The following CTNNA3 variants were observed in gnomAD, a reference collection of about 807,000 sequenced individuals.
CTNNA3 encodes the protein catenin alpha 3, also known as catenin alpha-3.
A neutral mutation model predicts 95.7 loss-of-function variants in CTNNA3; 76 were observed. That is an observed-to-expected ratio of 0.79 (90% CI 0.66 to 0.96). CTNNA3 has a LOEUF of 0.96. Ranked by LOEUF, CTNNA3 falls within the 40% of genes least tolerant of loss-of-function variation. The pLI, the probability that CTNNA3 is intolerant of heterozygous loss-of-function variation, is 0.00. For missense variants in CTNNA3, 1,191 were observed against 1,089.8 expected, an observed-to-expected ratio of 1.09 and a Z score of -1.31; for synonymous variants, 431 against 374.4, an observed-to-expected ratio of 1.15 and a Z score of -1.74.
intron 5 of CTNNA3, among the ~76,000 whole-genome samples, chr10:67,348,595 G>A (rs921945591): frequency 3.7e-4 from 57 of 152,214 alleles, no homozygotes; most frequent in African/African-American, 1.3e-3. Context: ...TGATAAGAGA[G>A]AGAGCAAGAG....
At chr10:66,431,873 T>G (rs1352842119) in intron 11 of CTNNA3, among the ~76,000 whole-genome samples, 1 of 152,096 alleles carries the variant, frequency 6.6e-6, no homozygotes, top group Non-Finnish European at 1.5e-5. Flanking sequence ...GTTGTGCACA[T>G]GTACCCTAGA....
At chr10:65,963,356 C>G (rs993286766) in intron 17 of CTNNA3, among the ~76,000 whole-genome samples, 1 of 152,118 alleles carries the variant, frequency 6.6e-6, no homozygotes, top group Non-Finnish European at 1.5e-5. Flanking sequence ...CATGTCTTCC[C>G]TATCTCTGTT....
At chr10:67,065,229 C>T (rs567291644) in intron 7 of CTNNA3, among the ~76,000 whole-genome samples, 11 of 152,234 alleles carry the variant, frequency 7.2e-5, no homozygotes, top group Non-Finnish European at 1.5e-4. Flanking sequence ...TCAAATCCCA[C>T]GTTGACCATA....
Position 67,320,217 on chromosome 10 carries a change from A to C in CTNNA3, c.580-100347T>G, listed in dbSNP as rs58649947. Among the ~76,000 whole-genome samples the C allele has an allele frequency of 0.019, 2,868 of 152,264 alleles. 237 individuals carry two copies. In the East Asian group the frequency reaches 0.26, roughly 14 times the overall value. Reference sequence around the variant, plus strand: ...TTCTGAGCCAAGTTAATCTAGAGGGAGTCTCACGGCCTCCTTTAAAAATGA... The same window carrying C: ...TTCTGAGCCAAGTTAATCTAGAGGGCGTCTCACGGCCTCCTTTAAAAATGA... On this transcript the variant is annotated intron_variant, in intron 5 of 17. Coordinates refer to ENST00000433211, the MANE Select transcript of CTNNA3 (RefSeq NM_013266.4).
intron 5 of CTNNA3, among the ~76,000 whole-genome samples, chr10:67,315,350 T>C (rs1032809580): frequency 1.3e-5 from 2 of 152,214 alleles, no homozygotes; most frequent in African/African-American, 4.8e-5. Flanking sequence ...ACTTAGCAGA[T>C]ATTTACCTCC....
chr10:66,612,241 T>C (rs1844354019), intron 10 of CTNNA3, among the ~76,000 whole-genome samples: 2 of 152,166 alleles, frequency 1.3e-5, no homozygotes, highest in African/African-American at 4.8e-5. Flanking sequence ...ATTCAGATCC[T>C]GACTTCTGCA....
chr10:66,223,601 A>G (rs1340948407), intron 13 of CTNNA3, among the ~76,000 whole-genome samples: 1 of 152,236 alleles, frequency 6.6e-6, no homozygotes, highest in Non-Finnish European at 1.5e-5. Context: ...GAAAATGGTA[A>G]TAAGCACTGA....
At chr10:66,116,743 C>T (rs2082356572) in intron 13 of CTNNA3, among the ~76,000 whole-genome samples, 1 of 152,082 alleles carries the variant, frequency 6.6e-6, no homozygotes. Flanking sequence ...GTGTAAGAGG[C>T]ATGGCTGGGG....
At chr10:67,124,593 A>G (rs1426017944) in intron 7 of CTNNA3, among the ~76,000 whole-genome samples, 1 of 152,188 alleles carries the variant, frequency 6.6e-6, no homozygotes, top group East Asian at 1.9e-4. Flanking sequence ...TGCAGTCTAC[A>G]GAGAAATAAT....
intron 7 of CTNNA3, among the ~76,000 whole-genome samples, chr10:66,916,513 T>A (rs1288797299): frequency 6.6e-6 from 1 of 152,232 alleles, no homozygotes; most frequent in East Asian, 1.9e-4. Flanking sequence ...CTACAGTATG[T>A]GCATAAAATG....
At chr10:67,008,001 A>G (rs902006081) in intron 7 of CTNNA3, among the ~76,000 whole-genome samples, 4 of 152,058 alleles carry the variant, frequency 2.6e-5, no homozygotes, top group Non-Finnish European at 5.9e-5. Flanking sequence ...AAATATAGCT[A>G]TACTTGAATT....
intron 13 of CTNNA3, among the ~76,000 whole-genome samples, chr10:66,224,117 A>C (rs903981626): frequency 6.6e-6 from 1 of 152,172 alleles, no homozygotes; most frequent in Non-Finnish European, 1.5e-5. Flanking sequence ...GAGCTGAGGC[A>C]TCTCATATCT....
In CTNNA3 at chr10:67,741,613, A is replaced by C. The variant is rs994382552; in HGVS notation, c.-2+21821T>G. ...ACTGCGTCAACTAATGAGCAAAATA[A>C]CCAGCTAACATCATAATGATAGGAT... On this transcript the variant is annotated intron_variant, in intron 1 of 17. Transcript: ENST00000684154. Among the ~76,000 whole-genome samples, 59 of 151,310 alleles carry C rather than the reference A, an allele frequency of 3.9e-4. 4 individuals carry two copies. The highest frequency in any genetic ancestry group is 6.8e-4 in the Non-Finnish European group (46 of 67,718).
chr10:67,484,438 C>CA (rs1050840420), intron 5 of CTNNA3, among the ~76,000 whole-genome samples: 3 of 150,160 alleles, frequency 2.0e-5, no homozygotes, highest in South Asian at 4.2e-4. Flanking sequence ...AACCATTTAC[C>CA]AAAAAAAAAG....
chr10:67,061,241 T>G (rs1346946868), intron 7 of CTNNA3, among the ~76,000 whole-genome samples: 1 of 152,138 alleles, frequency 6.6e-6, no homozygotes, highest in Non-Finnish European at 1.5e-5. Flanking sequence ...TGAAAGCATT[T>G]TACCTTTATT....
At chr10:67,738,985 C>T (rs1056238237) in intron 1 of CTNNA3, among the ~76,000 whole-genome samples, 6 of 152,206 alleles carry the variant, frequency 3.9e-5, no homozygotes, top group Non-Finnish European at 4.4e-5. Flanking sequence ...CTGAAAGTGA[C>T]GGGGAGACTG....
At chr10:66,813,762 G>A (rs2132270388) in intron 7 of CTNNA3, among the ~76,000 whole-genome samples, 1 of 152,170 alleles carries the variant, frequency 6.6e-6, no homozygotes, top group East Asian at 1.9e-4. Context: ...CCTTTTTAAA[G>A]ATTCTAAGTA....
At position 66,292,718 on chromosome 10, in the gene CTNNA3, T is replaced by G. The variant is rs370277871; in HGVS notation, c.1733-12097A>C. Reference sequence around the variant, plus strand: ...AAGAATGCTCTGAAAACCTTTTATTTTGAGGCATGAAAACCTCTCACATAT... The same window carrying G: ...AAGAATGCTCTGAAAACCTTTTATTGTGAGGCATGAAAACCTCTCACATAT... On this transcript the variant is annotated intron_variant, in intron 12 of 17. Coordinates refer to ENST00000433211, the MANE Select transcript of CTNNA3 (RefSeq NM_013266.4). Among the ~76,000 whole-genome samples, 30 of 152,326 alleles carry G rather than the reference T, an allele frequency of 2.0e-4. No individual in the cohort carries two copies. The East Asian group carries it at 4.2e-3, about 22-fold the overall frequency.
intron 7 of CTNNA3, among the ~76,000 whole-genome samples, chr10:66,988,172 G>A (rs2132919294): frequency 6.6e-6 from 1 of 152,136 alleles, no homozygotes; most frequent in South Asian, 2.1e-4. Context: ...CATAAACTTG[G>A]ATCAGGTTTC....
Sources: allele counts gnomAD v4.1 joint callset (sites outside exome capture counted in the v4.1 genomes callset), GRCh38; gene constraint gnomAD v4.1.1; transcripts MANE v1.5; gene names NCBI Gene and HGNC (gene_info 2026-07-23, HGNC 2026-07-21).